Variants in CCDC30 observed in about 807,000 individuals in gnomAD.
The protein encoded by CCDC30 is coiled-coil domain-containing protein 30.
Under a neutral mutation model 100.2 loss-of-function variants are expected in CCDC30, and 70 were observed. The ratio of observed to expected loss-of-function variants is 0.70; its 90% confidence interval spans 0.58 to 0.85. CCDC30 has a LOEUF of 0.85. CCDC30 is among the 40% of genes least tolerant of loss of function. CCDC30 has a pLI of 0.00. For missense variants in CCDC30, 652 were observed against 771.2 expected, an observed-to-expected ratio of 0.85 and a Z score of 1.83; for synonymous variants, 233 against 269.5, an observed-to-expected ratio of 0.86 and a Z score of 1.33.
intron 1 of CCDC30, among the ~76,000 whole-genome samples, chr1:42,478,314 G>A (rs765030249): frequency 2.2e-4 from 34 of 152,298 alleles, no homozygotes; most frequent in Non-Finnish European, 4.7e-4. Context: ...GGCTCAGAGT[G>A]TAAATGGTGA....
In CCDC30 at chr1:42,548,738, A is replaced by G. The variant is rs1400672276; in HGVS notation, c.457-17558A>G. On this transcript the variant is annotated intron_variant, in intron 6 of 16. Coordinates refer to ENST00000668663, the Ensembl canonical transcript of CCDC30. ...TGGAAGAAGCGATGCCAAGGCATTC[A>G]TGGGTGGTCTCTATGGGACTTGCAA... Among the ~76,000 whole-genome samples, 6 of 152,292 alleles carry G rather than the reference A, an allele frequency of 3.9e-5. No individual in the cohort carries two copies. In the East Asian group the frequency reaches 1.2e-3, roughly 29 times the overall value.
chr1:42,499,498 T>C (rs769461061), intron 6 of CCDC30, among the ~76,000 whole-genome samples: 4 of 152,066 alleles, frequency 2.6e-5, no homozygotes, highest in Non-Finnish European at 5.9e-5. Flanking sequence ...TTTTTAGAGA[T>C]AGGTTTTCAC....
At chr1:42,647,672 C>A (rs991591510) in intron 15 of CCDC30, among the ~76,000 whole-genome samples, 4 of 152,194 alleles carry the variant, frequency 2.6e-5, no homozygotes, top group Admixed American at 6.5e-5. Context: ...TAGACCATAT[C>A]TTAGACCACA....
intron 1 of CCDC30, among the ~76,000 whole-genome samples, chr1:42,468,177 A>G (rs533800724): frequency 6.6e-5 from 10 of 152,342 alleles, no homozygotes; most frequent in Admixed American, 6.5e-4. Flanking sequence ...CAAAATAATA[A>G]TGCGTTGAAA....
intron 6 of CCDC30, among the ~76,000 whole-genome samples, chr1:42,526,696 C>T (rs1321493799): frequency 1.3e-5 from 2 of 152,040 alleles, no homozygotes; most frequent in African/African-American, 4.8e-5. Flanking sequence ...AATTTATCTA[C>T]CCTAATATTG....
chr1:42,602,157 C>G lies in CCDC30; in HGVS notation c.1165-8821C>G, dbSNP rs1046573786. ...GAAAAAAATATCTAAAATCAATTAT[C>G]TAAGCTTTGGCCTTAGAAAATTACA... On this transcript the variant is annotated intron_variant, in intron 10 of 16. Coordinates refer to ENST00000668663, the Ensembl canonical transcript of CCDC30. 3.2e-4 allele frequency among the ~76,000 whole-genome samples: 48 copies of G among 151,570 alleles called. 1 individual carries two copies. The highest frequency in any genetic ancestry group is 1.2e-4 in the Non-Finnish European group (8 of 67,918).
intron 6 of CCDC30, among the ~76,000 whole-genome samples, chr1:42,553,636 A>G (rs1645302798): frequency 7.0e-6 from 1 of 142,864 alleles, no homozygotes; most frequent in South Asian, 2.3e-4. Context: ...AGCCTGGGTG[A>G]CAAGGTGAGA....
chr1:42,546,399 A>AATGT (rs1645138582), intron 6 of CCDC30, among the ~76,000 whole-genome samples: 1 of 11,970 alleles, frequency 8.4e-5, no homozygotes, highest in African/African-American at 2.0e-4. Flanking sequence ...AAAAAAAAAA[A>AATGT]ATATATATAT....
Position 42,554,060 on chromosome 1 carries a change from C to T in CCDC30, c.457-12236C>T, listed in dbSNP as rs572792562. ...ATACATACATGTTTATTTGTTTTTG[C>T]GCCACAATTTTACTTTGATAAGTAG... On this transcript the variant is annotated intron_variant, in intron 6 of 16. Transcript: ENST00000668663. 7.9e-5 allele frequency among the ~76,000 whole-genome samples: 12 copies of T among 151,930 alleles called. No homozygotes were observed. In the South Asian group the frequency reaches 8.3e-4, roughly 11 times the overall value.
chr1:42,552,006 TC>T (rs1001784029), intron 6 of CCDC30, among the ~76,000 whole-genome samples: 6 of 152,074 alleles, frequency 3.9e-5, no homozygotes, highest in African/African-American at 1.4e-4. Context: ...GCTCAAGTGA[TC>T]CTCCCACTTT....
rs72954364 is a variant in CCDC30 at position 42,534,162 on chromosome 1, T to C, written c.457-32134T>C. On this transcript the variant is annotated intron_variant, in intron 6 of 16. Transcript: ENST00000668663. ...TATATTCTTTGGGAAAGCTATCTTT[T>C]AAAAATTATAGCATTGAAATACATG... 7.7e-3 allele frequency among the ~76,000 whole-genome samples: 1,171 copies of C among 152,170 alleles called. 11 individuals carry two copies. The highest frequency in any genetic ancestry group is 0.025 in the African/African-American group (1,058 of 41,498).
chr1:42,456,140 G>T, the CCDC30 span: 1 of 694,172 alleles, frequency 1.4e-6, no homozygotes, highest in Non-Finnish European at 2.6e-6. Context: ...ACTAACATCT[G>T]GGTGTATTGC....
intron 6 of CCDC30, among the ~76,000 whole-genome samples, chr1:42,561,021 A>T (rs1645475643): frequency 6.6e-6 from 1 of 152,256 alleles, no homozygotes; most frequent in Non-Finnish European, 1.5e-5. Flanking sequence ...GAATTCTACC[A>T]GAAATACAAA....
intron 6 of CCDC30, among the ~76,000 whole-genome samples, chr1:42,522,717 T>TA (rs938690254): frequency 1.2e-4 from 19 of 152,300 alleles, no homozygotes; most frequent in Non-Finnish European, 2.2e-4. Flanking sequence ...AACTAAAAAA[T>TA]AAATGAATCT....
At chr1:42,477,464 G>C (rs987102940) in intron 1 of CCDC30, among the ~76,000 whole-genome samples, 6 of 152,134 alleles carry the variant, frequency 3.9e-5, no homozygotes, top group Non-Finnish European at 7.4e-5. Context: ...TCTTGACCTT[G>C]TGATCCACTC....
rs138562043 is a variant in CCDC30 at position 42,580,928 on chromosome 1, G to A, written c.847-432G>A. On this transcript the variant is annotated intron_variant, in intron 8 of 16. Transcript: ENST00000668663. ...GTCTAATACCTGTGGAGGCAGTTTG[G>A]CATTATCTATCAAACAAACAAATAC... 967 of 452,762 alleles carry A rather than the reference G, an allele frequency of 2.1e-3. 11 individuals carry two copies. Among genetic ancestry groups the A allele is most frequent in the African/African-American group, 0.018 (908 of 49,956 alleles). The allele number at this position is 452,762 out of a possible 1,614,324, so 28.0% of individuals were successfully genotyped here.
At chr1:42,460,037 A>G, upstream of CCDC30, 1 of 1,441,950 alleles carries the variant, frequency 6.9e-7, no homozygotes, top group Non-Finnish European at 9.1e-7. Flanking sequence ...GAAAGGGAAA[A>G]GGCAGTGGTG....
Position 42,638,822 on chromosome 1 carries a change from G to A in CCDC30, c.1419+1444G>A, listed in dbSNP as rs1647215548. 2.0e-5 allele frequency among the ~76,000 whole-genome samples: 3 copies of A among 152,002 alleles called. No homozygotes were observed. In the South Asian group the frequency reaches 6.2e-4, roughly 31 times the overall value. ...ACCCAAGAGGCGGAGGTTGCAGTGA[G>A]CTGAGATCATGCCATTGCACTCTAG... On this transcript the variant is annotated intron_variant, in intron 12 of 16. Coordinates refer to ENST00000668663, the Ensembl canonical transcript of CCDC30.
At chr1:42,554,819 T>C (rs1645335273) in intron 6 of CCDC30, among the ~76,000 whole-genome samples, 2 of 152,052 alleles carry the variant, frequency 1.3e-5, no homozygotes, top group South Asian at 4.1e-4. Flanking sequence ...TCCTTACAAG[T>C]TTTTAGGCTT....
Sources: gnomAD v4.1 joint callset for allele counts (sites outside exome capture counted in the v4.1 genomes callset) on GRCh38, gnomAD v4.1.1 for gene constraint, MANE v1.5 for transcripts, NCBI Gene and HGNC (gene_info 2026-07-23, HGNC 2026-07-21) for gene names.